ENTPD1: variants seen among roughly 807,000 people sequenced by gnomAD.
The protein encoded by ENTPD1 is ATP diphosphohydrolase.
A neutral mutation model predicts 57.0 loss-of-function variants in ENTPD1; 33 were observed. That is an observed-to-expected ratio of 0.58 (90% CI 0.44 to 0.77). The LOEUF (loss-of-function observed/expected upper bound fraction) is 0.77. Ranked by LOEUF, ENTPD1 falls within the 30% of genes least tolerant of loss-of-function variation. ENTPD1 has a pLI of 0.00. For missense variants in ENTPD1, 501 were observed against 603.4 expected (o/e 0.83, Z 1.78); for synonymous variants, 202 against 218.8 (o/e 0.92, Z 0.68).
In ENTPD1 at chr10:95,872,917, G is replaced by A; in HGVS notation, c.*6534G>A. ...TTTTTGGAACATGCCTTTAGTTTCTGTGTAGTTTGCCATGCAGCACTTCAT... is the reference window on the plus strand; with the variant it reads ...TTTTTGGAACATGCCTTTAGTTTCTATGTAGTTTGCCATGCAGCACTTCAT... On this transcript the variant is annotated 3_prime_UTR_variant, in exon 10 of 10. Transcript: ENST00000371205. The A allele has an allele frequency of 1.0e-6, 1 of 985,330 alleles. No homozygotes were observed. Among genetic ancestry groups the A allele is most frequent in the Non-Finnish European group, 1.2e-6 (1 of 829,906 alleles). The allele number at this position is 985,330 out of a possible 1,614,324, so 61.0% of individuals were successfully genotyped here.
chr10:95,783,562 T>A (rs2098166077), intron 1 of ENTPD1, among the ~76,000 whole-genome samples: 1 of 152,184 alleles, frequency 6.6e-6, no homozygotes, highest in African/African-American at 2.4e-5. Flanking sequence ...GTTCTAATTC[T>A]CTTTTCCCAA....
At chr10:95,727,703 A>G (rs2097985124) in intron 1 of ENTPD1, among the ~76,000 whole-genome samples, 1 of 152,232 alleles carries the variant, frequency 6.6e-6, no homozygotes, top group South Asian at 2.1e-4. Context: ...ATTGTGGAGT[A>G]AATGAATTTA....
chr10:95,771,691 A>G (rs2098116405), intron 1 of ENTPD1, among the ~76,000 whole-genome samples: 1 of 152,194 alleles, frequency 6.6e-6, no homozygotes, highest in Admixed American at 6.5e-5. Context: ...ATCTCTGGGC[A>G]TGAACTCTGA....
At chr10:95,859,145 G>A (rs1409217375) in intron 7 of ENTPD1, among the ~76,000 whole-genome samples, 2 of 152,136 alleles carry the variant, frequency 1.3e-5, no homozygotes, top group African/African-American at 2.4e-5. Context: ...AGATATATAT[G>A]TATAAGAATA....
chr10:95,792,693 G>T (rs1024111853), intron 1 of ENTPD1, among the ~76,000 whole-genome samples: 1 of 152,192 alleles, frequency 6.6e-6, no homozygotes, highest in African/African-American at 2.4e-5. Flanking sequence ...CAGAACCTTA[G>T]ATAAGGGACT....
In ENTPD1 at chr10:95,839,806, A is replaced by C; in HGVS notation, c.260A>C (p.Lys87Thr). ...VVHQVEECRV[K>T]GPGISKFVQK... is the part of the protein sequence containing the mutation. ...CATCAAGTAGAAGAATGCAGGGTTA[A>C]AGGTAAGATGAAGACCAAGGGAAGG... The change falls in exon 3 of 10, where the codon AAA becomes ACA. Residue 87 changes from lysine to threonine, a missense_variant and splice_region_variant. Coordinates refer to ENST00000371205, the MANE Select transcript of ENTPD1 (RefSeq NM_001776.6). 6.2e-7 allele frequency: 1 copy of C among 1,614,088 alleles called. No individual in the cohort carries two copies. The highest frequency in any genetic ancestry group is 8.5e-7 in the Non-Finnish European group (1 of 1,179,996).
intron 1 of ENTPD1, among the ~76,000 whole-genome samples, chr10:95,804,975 G>T (rs1226471302): frequency 2.0e-5 from 3 of 152,098 alleles, no homozygotes; most frequent in Admixed American, 1.3e-4. Flanking sequence ...GTTGATTTGG[G>T]ATGGAGAGTT....
At chr10:95,747,379 A>G (rs1566101200) in intron 1 of ENTPD1, among the ~76,000 whole-genome samples, 1 of 152,214 alleles carries the variant, frequency 6.6e-6, no homozygotes, top group Non-Finnish European at 1.5e-5. Flanking sequence ...ATTTCATACA[A>G]TAGTTACTTT....
chr10:95,838,314 C>T (rs1202445633), intron 2 of ENTPD1, among the ~76,000 whole-genome samples: 1 of 152,046 alleles, frequency 6.6e-6, no homozygotes, highest in African/African-American at 2.4e-5. Flanking sequence ...GATAGATACC[C>T]CCAAAGAAAT....
chr10:95,835,544 GCATTC>G (rs2098407691), intron 2 of ENTPD1, among the ~76,000 whole-genome samples: 1 of 152,246 alleles, frequency 6.6e-6, no homozygotes, highest in Admixed American at 6.5e-5. Flanking sequence ...GAATAAATTT[GCATTC>G]CCACCAACAG....
At chr10:95,820,418 T>A (rs946762247) in intron 1 of ENTPD1, among the ~76,000 whole-genome samples, 3 of 152,222 alleles carry the variant, frequency 2.0e-5, no homozygotes, top group Non-Finnish European at 4.4e-5. Context: ...CTGGATATCA[T>A]TGCAAAAGCT....
chr10:95,804,697 C>T (rs2140366631), intron 1 of ENTPD1, among the ~76,000 whole-genome samples: 1 of 152,270 alleles, frequency 6.6e-6, no homozygotes, highest in African/African-American at 2.4e-5. Context: ...TTGCCCTGTC[C>T]AGAACTTCCA....
chr10:95,848,516 T>C (rs756861278), intron 7 of ENTPD1, among the ~76,000 whole-genome samples: 2 of 152,156 alleles, frequency 1.3e-5, no homozygotes, highest in Non-Finnish European at 2.9e-5. Context: ...ATTTGATTTC[T>C]GGGATATTGC....
At chr10:95,769,034 A>G (rs1322308619) in intron 1 of ENTPD1, among the ~76,000 whole-genome samples, 1 of 152,222 alleles carries the variant, frequency 6.6e-6, no homozygotes, top group Non-Finnish European at 1.5e-5. Context: ...ACCAAATGCT[A>G]GATCCCCATC....
intron 1 of ENTPD1, among the ~76,000 whole-genome samples, chr10:95,799,661 G>A (rs775180053): frequency 1.3e-5 from 2 of 152,286 alleles, no homozygotes; most frequent in Non-Finnish European, 2.9e-5. Flanking sequence ...CCAGTAATGG[G>A]ATTTCTGGGT....
intron 1 of ENTPD1, among the ~76,000 whole-genome samples, chr10:95,798,079 AG>A (rs1219027773): frequency 2.6e-5 from 4 of 152,302 alleles, no homozygotes; most frequent in Admixed American, 2.6e-4. Flanking sequence ...AAGCTGGCAA[AG>A]TAGGGGAAGT....
chr10:95,725,830 C>G (rs2097983003), intron 1 of ENTPD1, among the ~76,000 whole-genome samples: 1 of 152,218 alleles, frequency 6.6e-6, no homozygotes, highest in African/African-American at 2.4e-5. Flanking sequence ...ATGCTTATAT[C>G]TTCTCAGATA....
intron 1 of ENTPD1, among the ~76,000 whole-genome samples, chr10:95,822,805 T>C (rs1236834859): frequency 6.6e-6 from 1 of 152,220 alleles, no homozygotes; most frequent in Non-Finnish European, 1.5e-5. Flanking sequence ...CATGGAATAG[T>C]GGGATTTGTT....
rs1056920405 is a variant in ENTPD1, at chr10:95,877,041, G to A, written c.*10658G>A. ...TTTTGCAGGCCCCCTTCATCCTGCAGGGAGAACCAGAACCACAGCAGCTCT... is the reference window on the plus strand; with the variant it reads ...TTTTGCAGGCCCCCTTCATCCTGCAAGGAGAACCAGAACCACAGCAGCTCT... On this transcript the variant is annotated 3_prime_UTR_variant, in exon 10 of 10. Coordinates refer to ENST00000371205, the MANE Select transcript of ENTPD1 (RefSeq NM_001776.6). Among the ~76,000 whole-genome samples the A allele has an allele frequency of 1.3e-5, 2 of 152,156 alleles. No individual in the cohort carries two copies. The highest frequency in any genetic ancestry group is 4.1e-4 in the South Asian group (2 of 4,824).
Sources: allele counts gnomAD v4.1 joint callset (sites outside exome capture counted in the v4.1 genomes callset), GRCh38; gene constraint gnomAD v4.1.1; transcripts MANE v1.5; gene names NCBI Gene and HGNC (gene_info 2026-07-23, HGNC 2026-07-21).